Variants in SLC24A3 observed in about 807,000 individuals in gnomAD.
The protein encoded by SLC24A3 is solute carrier family 24 member 3.
In SLC24A3, 28 loss-of-function variants were observed where a neutral mutation model predicts 75.8. The ratio of observed to expected loss-of-function variants is 0.37; its 90% CI spans 0.27 to 0.51. The LOEUF is 0.51. SLC24A3 is among the 20% of genes least tolerant of loss of function. The pLI, the probability that SLC24A3 is intolerant of heterozygous loss-of-function variation, is 0.94. For synonymous variants in SLC24A3, 372 were observed against 334.1 expected, an observed-to-expected ratio of 1.11 and a Z score of -1.24; for missense variants, 663 against 847.8, an observed-to-expected ratio of 0.78 and a Z score of 2.71.
At chr20:19,603,451 G>C (rs139787246) in intron 6 of SLC24A3, among the ~76,000 whole-genome samples, 8 of 152,172 alleles carry the variant, frequency 5.3e-5, no homozygotes, top group African/African-American at 1.9e-4. Context: ...GCCGGCTCTT[G>C]GTGCTCACGT....
At chr20:19,688,221 C>T (rs1344929438) in intron 12 of SLC24A3, among the ~76,000 whole-genome samples, 1 of 152,156 alleles carries the variant, frequency 6.6e-6, no homozygotes, top group East Asian at 1.9e-4. Flanking sequence ...AACCGGCTGC[C>T]CCCCATCCTG....
intron 1 of SLC24A3, among the ~76,000 whole-genome samples, chr20:19,253,025 T>A (rs1982709450): frequency 6.6e-6 from 1 of 152,206 alleles, no homozygotes; most frequent in Non-Finnish European, 1.5e-5. Flanking sequence ...GAGCAATTCT[T>A]GGACACTTGG....
At chr20:19,440,998 C>T (rs3790209) in intron 2 of SLC24A3, among the ~76,000 whole-genome samples, 68,010 of 151,844 alleles carry the variant, frequency 0.45, 15,929 homozygotes, top group East Asian at 0.89. Context: ...CAGGCCGGAT[C>T]CTGAGAGTTC....
chr20:19,409,810 T>A, intron 2 of SLC24A3, among the ~76,000 whole-genome samples: 1 of 151,462 alleles, frequency 6.6e-6, no homozygotes, highest in African/African-American at 2.4e-5. Flanking sequence ...TGTGCTATTA[T>A]GTATAGTTTG....
At chr20:19,613,705 A>T (rs1176233281) in intron 6 of SLC24A3, among the ~76,000 whole-genome samples, 2 of 152,196 alleles carry the variant, frequency 1.3e-5, no homozygotes, top group African/African-American at 4.8e-5. Context: ...TGGGACCCAG[A>T]CCTGGAGGAT....
intron 6 of SLC24A3, among the ~76,000 whole-genome samples, chr20:19,587,104 T>C (rs2031309048): frequency 6.6e-6 from 1 of 152,210 alleles, no homozygotes; most frequent in South Asian, 2.1e-4. Context: ...AGCACTCTCC[T>C]AATTGGCATT....
At chr20:19,280,244 G>A (rs549724140) in intron 1 of SLC24A3, among the ~76,000 whole-genome samples, 2 of 152,248 alleles carry the variant, frequency 1.3e-5, no homozygotes, top group South Asian at 4.2e-4. Flanking sequence ...CCTGTTACCT[G>A]CTCTCCCAAC....
intron 6 of SLC24A3, among the ~76,000 whole-genome samples, chr20:19,652,586 A>C (rs1035097320): frequency 5.9e-5 from 9 of 152,260 alleles, no homozygotes; most frequent in Non-Finnish European, 1.3e-4. Context: ...TTAGAAATGC[A>C]AATGCTTCAC....
intron 2 of SLC24A3, among the ~76,000 whole-genome samples, chr20:19,376,522 C>G (rs6112333): frequency 0.013 from 1,981 of 152,174 alleles, 37 homozygotes; most frequent in African/African-American, 0.046. Context: ...AGCCCTGCTG[C>G]GAGACAGATT....
chr20:19,622,875 G>A (rs988941908), intron 6 of SLC24A3, among the ~76,000 whole-genome samples: 5 of 152,148 alleles, frequency 3.3e-5, no homozygotes, highest in African/African-American at 9.7e-5. Flanking sequence ...GGAGAAGGAG[G>A]AGCAGGCATA....
At chr20:19,253,131 G>A (rs1411658975) in intron 1 of SLC24A3, among the ~76,000 whole-genome samples, 1 of 152,178 alleles carries the variant, frequency 6.6e-6, no homozygotes, top group East Asian at 1.9e-4. Flanking sequence ...CTTTGGGCCG[G>A]TGGTCTCATC....
chr20:19,235,044 G>C (rs763581844), intron 1 of SLC24A3, among the ~76,000 whole-genome samples: 22 of 152,170 alleles, frequency 1.4e-4, no homozygotes, highest in Non-Finnish European at 2.4e-4. Flanking sequence ...TGCCCACTCC[G>C]GCTATTTTCT....
intron 3 of SLC24A3, among the ~76,000 whole-genome samples, chr20:19,545,489 A>G (rs994869409): frequency 3.9e-5 from 6 of 152,176 alleles, no homozygotes; most frequent in Non-Finnish European, 7.3e-5. Context: ...TCTTGCTCCC[A>G]TGTGGAGTTG....
chr20:19,549,213 A>T (rs921277275), intron 3 of SLC24A3, among the ~76,000 whole-genome samples: 10 of 152,256 alleles, frequency 6.6e-5, no homozygotes, highest in African/African-American at 1.9e-4. Context: ...TGCTGTCTTT[A>T]GCTGGGTAGC....
At chr20:19,375,600 G>A (rs1041848858) in intron 2 of SLC24A3, among the ~76,000 whole-genome samples, 20 of 152,210 alleles carry the variant, frequency 1.3e-4, no homozygotes, top group African/African-American at 4.8e-4. Flanking sequence ...TGTGAGAGGA[G>A]GAAGTGCCAT....
chr20:19,538,562 C>G (rs955043870), intron 3 of SLC24A3, among the ~76,000 whole-genome samples: 3 of 152,124 alleles, frequency 2.0e-5, no homozygotes, highest in Non-Finnish European at 4.4e-5. Flanking sequence ...AAATTAAAAT[C>G]ACAATGTAGT....
At chr20:19,673,198 G>A (rs537949664) in intron 8 of SLC24A3, among the ~76,000 whole-genome samples, 1 of 152,150 alleles carries the variant, frequency 6.6e-6, no homozygotes, top group East Asian at 1.9e-4. Flanking sequence ...TATATATACA[G>A]CAATCCCTCA....
intron 2 of SLC24A3, among the ~76,000 whole-genome samples, chr20:19,296,266 G>GTGTTTT (rs1319511739): frequency 1.7e-5 from 1 of 59,794 alleles, no homozygotes. Context: ...CTAGCTAGTG[G>GTGTTTT]TCTTTTTTTT....
chr20:19,265,802 G>C (rs1037922434), intron 1 of SLC24A3: 3 of 152,888 alleles, frequency 2.0e-5, no homozygotes, highest in Admixed American at 6.5e-5. Context: ...CACTGGGACA[G>C]AGTGGGTGAG....
Sources: allele counts gnomAD v4.1 joint callset (sites outside exome capture counted in the v4.1 genomes callset), GRCh38; gene constraint gnomAD v4.1.1; transcripts MANE v1.5; gene names NCBI Gene and HGNC (gene_info 2026-07-23, HGNC 2026-07-21).